Variants in DOCK8 observed in about 807,000 individuals in gnomAD.
DOCK8 encodes the protein dedicator of cytokinesis 8, also known as dedicator of cytokinesis protein 8.
In DOCK8, 141 loss-of-function variants were observed where a neutral mutation model predicts 245.6. The observed-to-expected ratio is 0.57, with a 90% CI of 0.50 to 0.66. The LOEUF (loss-of-function observed/expected upper bound fraction) is 0.66. Ranked by LOEUF, DOCK8 falls within the 30% of genes least tolerant of loss-of-function variation. The pLI is 0.00. For synonymous variants in DOCK8, 1,168 were observed against 970.2 expected, an observed-to-expected ratio of 1.20 and a Z score of -3.79; for missense variants, 2,965 against 2,603.4, an observed-to-expected ratio of 1.14 and a Z score of -3.02.
intron 14 of DOCK8, among the ~76,000 whole-genome samples, chr9:346,185 G>T (rs762138423): frequency 1.3e-5 from 2 of 152,108 alleles, no homozygotes; most frequent in Non-Finnish European, 2.9e-5. Flanking sequence ...TGATGAAAAG[G>T]ATTATCCGAA....
chr9:426,024 C>G lies in DOCK8; in HGVS notation c.4242-861C>G, dbSNP rs144784352. 7.2e-5 allele frequency among the ~76,000 whole-genome samples: 11 copies of G among 152,226 alleles called. No individual in the cohort carries two copies. The East Asian group carries it at 2.1e-3, about 29-fold the overall frequency. On this transcript the variant is annotated intron_variant, in intron 33 of 47. Coordinates refer to ENST00000432829, the MANE Select transcript of DOCK8 (RefSeq NM_203447.4). Reference sequence around the variant, plus strand: ...CATATGAGCTGATATAATGATACCCCAACCCCATGGTAACATCTTGGCTAC... The same window carrying G: ...CATATGAGCTGATATAATGATACCCGAACCCCATGGTAACATCTTGGCTAC...
At chr9:361,489 C>T (rs1586799788) in intron 14 of DOCK8, among the ~76,000 whole-genome samples, 1 of 152,182 alleles carries the variant, frequency 6.6e-6, no homozygotes, top group South Asian at 2.1e-4. Context: ...GCGTTTAAGA[C>T]CTGGCTCCAG....
At chr9:423,648 A>T (rs1035568932) in intron 33 of DOCK8, among the ~76,000 whole-genome samples, 6 of 152,330 alleles carry the variant, frequency 3.9e-5, no homozygotes, top group East Asian at 1.9e-4. Context: ...GTGACTTGGA[A>T]ACCCAGTTGT....
Position 446,502 on chromosome 9 carries a change from C to G in DOCK8, c.5713C>G (p.Pro1905Ala), listed in dbSNP as rs771413192. ...YTTPFTLEGR[P>A]RGELHEQYRR... is the part of the protein sequence containing the mutation. ...CACCCCGTTCACCCTGGAGGGGCGG[C>G]CTCGGGGAGAGCTGCATGAGCAGTA... is the stretch of plus-strand genomic sequence containing the variant. Residue 1905 changes from proline (P) to alanine (A), a missense_variant, in exon 44 of 48, where the codon CCT (proline) becomes GCT (alanine). Around this residue, in one of 3 missense-constraint regions of DOCK8, gnomAD observed 2,825 missense variants for 2,453.5 expected, o/e 1.15. Transcript: ENST00000432829. 1 of 1,614,224 alleles carries G rather than the reference C, an allele frequency of 6.2e-7. No homozygotes were observed. Among genetic ancestry groups the G allele is most frequent in the South Asian group, 1.1e-5 (1 of 91,088 alleles).
chr9:368,692 C>G (rs1225188528), intron 15 of DOCK8: 1 of 151,292 alleles, frequency 6.6e-6, no homozygotes, highest in African/African-American at 2.4e-5. Flanking sequence ...ATGCAGTGTG[C>G]TCCAAGGAAC....
intron 14 of DOCK8, among the ~76,000 whole-genome samples, chr9:364,641 GAAAAAAAAA>G: frequency 1.2e-5 from 1 of 84,510 alleles, no homozygotes; most frequent in African/African-American, 4.3e-5. Context: ...CTCAAAAATT[GAAAAAAAAA>G]AAAAAAAAAG....
At position 463,645 on chromosome 9, in the gene DOCK8, C is replaced by T. The variant is rs769332491; in HGVS notation, c.6197C>T (p.Pro2066Leu). ...NLRPMIERKI[P>L]ELYKPIFRVE... is the part of the protein sequence containing the mutation. Reference sequence around the variant, plus strand: ...AGGCCAATGATCGAGCGGAAAATTCCAGAACTGTACAAGCCAATATTCAGA... The same window carrying T: ...AGGCCAATGATCGAGCGGAAAATTCTAGAACTGTACAAGCCAATATTCAGA... Residue 2066 changes from proline to leucine, a missense_variant, in exon 47 of 48, where the codon CCA becomes CTA. Pro to Leu is a moderately conservative substitution (Grantham distance 98). Coordinates refer to ENST00000432829, the MANE Select transcript of DOCK8 (RefSeq NM_203447.4). 1.2e-6 allele frequency: 2 copies of T among 1,613,652 alleles called. No individual in the cohort carries two copies. The highest frequency in any genetic ancestry group is 1.7e-6 in the Non-Finnish European group (2 of 1,179,992).
chr9:382,063 A>G (rs1168015265), intron 21 of DOCK8, among the ~76,000 whole-genome samples: 1 of 152,240 alleles, frequency 6.6e-6, no homozygotes, highest in Non-Finnish European at 1.5e-5. Flanking sequence ...TACATCATAT[A>G]CCGTAATCCT....
intron 11 of DOCK8, among the ~76,000 whole-genome samples, chr9:335,243 ATCAT>A (rs57508114): frequency 0.047 from 7,104 of 152,236 alleles, 216 homozygotes; most frequent in Admixed American, 0.076. Context: ...CGTGATCTGA[ATCAT>A]TCATTCCTAC....
chr9:414,916 T>A lies in DOCK8; in HGVS notation c.3665T>A (p.Ile1222Asn). 6.2e-7 allele frequency: 1 copy of A among 1,614,066 alleles called. No homozygotes were observed. Among genetic ancestry groups the A allele is most frequent in the Non-Finnish European group, 8.5e-7 (1 of 1,180,030 alleles). Residue 1222 changes from isoleucine to asparagine, a missense_variant, in exon 29 of 48, where the codon ATT becomes AAT. Physicochemically the swap from Ile to Asn is moderately radical, Grantham distance 149. This residue lies in a region of DOCK8 where 2,825 missense variants were observed against 2,453.5 expected (regional missense o/e 1.15). Transcript: ENST00000432829. ...CTTTACCTACCTTTAGTTGGCATCA[T>A]TTTGGATGCTTTGCCACAGCTCTGT... ...AALYLPLVGI[I>N]LDALPQLCDF... is the part of the protein sequence containing the mutation.
chr9:400,665 CCAGCATCTTCACCAT>C (rs1335870677), intron 26 of DOCK8, among the ~76,000 whole-genome samples: 1 of 111,622 alleles, frequency 9.0e-6, no homozygotes, highest in Non-Finnish European at 1.7e-5. Context: ...TCCACCACCA[CCAGCATCTTCACCAT>C]CACCACCACC....
At chr9:230,920 T>A (rs1379207812) in intron 1 of DOCK8, among the ~76,000 whole-genome samples, 2 of 152,068 alleles carry the variant, frequency 1.3e-5, no homozygotes, top group Non-Finnish European at 2.9e-5. Flanking sequence ...ATCCCATTTG[T>A]CAATTGTGGC....
chr9:391,844 TA>T (rs1303126189), intron 24 of DOCK8, among the ~76,000 whole-genome samples: 2 of 136,386 alleles, frequency 1.5e-5, no homozygotes, highest in East Asian at 2.0e-4. Context: ...TTTTTTTTTT[TA>T]AAGAGAGTCT....
At chr9:283,929 T>C (rs1343073122) in intron 2 of DOCK8, among the ~76,000 whole-genome samples, 1 of 152,178 alleles carries the variant, frequency 6.6e-6, no homozygotes, top group African/African-American at 2.4e-5. Flanking sequence ...GAAACACCAA[T>C]TGAACTCAAT....
intron 1 of DOCK8, among the ~76,000 whole-genome samples, chr9:253,127 T>G (rs1239701560): frequency 6.6e-6 from 1 of 152,202 alleles, no homozygotes; most frequent in African/African-American, 2.4e-5. Flanking sequence ...ATTATCTTCC[T>G]TAGCTTCCTA....
At chr9:317,554 G>C (rs907951629) in intron 7 of DOCK8, among the ~76,000 whole-genome samples, 4 of 152,176 alleles carry the variant, frequency 2.6e-5, no homozygotes, top group African/African-American at 9.7e-5. Flanking sequence ...GTAGAAATCA[G>C]CCAATGCTAC....
chr9:225,618 C>G (rs1416547684), intron 1 of DOCK8, among the ~76,000 whole-genome samples: 2 of 152,108 alleles, frequency 1.3e-5, no homozygotes, highest in African/African-American at 2.4e-5. Flanking sequence ...TAGCACTATT[C>G]TAAGTGCTGA....
intron 1 of DOCK8, among the ~76,000 whole-genome samples, chr9:255,604 G>T (rs2047748922): frequency 6.9e-6 from 1 of 145,798 alleles, no homozygotes; most frequent in Non-Finnish European, 1.5e-5. Context: ...GGAGGTGGAG[G>T]TTGCAGTGAG....
At chr9:394,624 A>G (rs1350384716) in intron 24 of DOCK8, among the ~76,000 whole-genome samples, 2 of 152,232 alleles carry the variant, frequency 1.3e-5, no homozygotes, top group African/African-American at 4.8e-5. Context: ...CTGTGCTTCT[A>G]GAAACTGCTG....
Sources: gnomAD v4.1 joint callset for allele counts (sites outside exome capture counted in the v4.1 genomes callset) on GRCh38, gnomAD v4.1.1 for gene constraint, gnomAD v4.1.1 regional missense constraint, MANE v1.5 for transcripts, NCBI Gene and HGNC (gene_info 2026-07-23, HGNC 2026-07-21) for gene names.